SCN11A: variants seen among roughly 807,000 people sequenced by gnomAD.
SCN11A encodes the protein sodium channel protein type 11 subunit alpha.
In SCN11A, 122 loss-of-function variants were observed where a neutral mutation model predicts 162.2. The ratio of observed to expected loss-of-function variants is 0.75; its 90% confidence interval spans 0.65 to 0.87. The LOEUF (loss-of-function observed/expected upper bound fraction) is 0.87. Among genes scored for constraint, SCN11A ranks in the 40% least tolerant of loss-of-function variants. The probability of loss-of-function intolerance (pLI) is 0.00; values close to 1 mark genes in which losing one functional copy is unlikely to be tolerated. For synonymous variants in SCN11A, 758 were observed against 751.5 expected (o/e 1.01, Z -0.14); for missense variants, 2,015 against 2,181.6 (o/e 0.92, Z 1.52).
chr3:38,892,653 T>C (rs575018070), intron 19 of SCN11A, among the ~76,000 whole-genome samples: 1 of 152,020 alleles, frequency 6.6e-6, no homozygotes, highest in Non-Finnish European at 1.5e-5. Context: ...CTAGTTATAT[T>C]AAGCAATAAT....
intron 2 of SCN11A, among the ~76,000 whole-genome samples, chr3:38,973,938 T>A (rs2066832413): frequency 6.6e-6 from 1 of 152,250 alleles, no homozygotes; most frequent in African/African-American, 2.4e-5. Context: ...CAACAGGAAT[T>A]CTTTCTGAAG....
intron 29 of SCN11A, 148 bp from the exon 30 acceptor site, chr3:38,847,890 A>G (rs2064702486): frequency 3.4e-6 from 2 of 580,620 alleles, no homozygotes; most frequent in African/African-American, 3.7e-5. Flanking sequence ...TTTTACCACT[A>G]TCAGGGAAAA....
rs1171513664 is a variant in SCN11A, at chr3:38,938,138, C to G, written c.488+7273G>C. ...AGTAAACTATCGCAAGAACAAAAAACCAAACACCGCATATTCTCACTCATA... is the reference window on the plus strand; with the variant it reads ...AGTAAACTATCGCAAGAACAAAAAAGCAAACACCGCATATTCTCACTCATA... On this transcript the variant is annotated intron_variant, in intron 7 of 29. Coordinates refer to ENST00000302328, the MANE Select transcript of SCN11A (RefSeq NM_001349253.2). 2.0e-5 allele frequency among the ~76,000 whole-genome samples: 3 copies of G among 151,906 alleles called. No homozygotes were observed. The South Asian group carries it at 6.3e-4, about 32-fold the overall frequency.
Position 38,846,476 on chromosome 3 carries a change from TTA to T in SCN11A, c.*216_*217del, listed in dbSNP as rs2064664876. 1 of 549,544 alleles carries T rather than the reference TTA, an allele frequency of 1.8e-6. No individual in the cohort carries two copies. The highest frequency in any genetic ancestry group is 3.2e-6 in the Non-Finnish European group (1 of 308,984). The allele number at this position is 549,544 out of a possible 1,614,324, so 34.0% of individuals were successfully genotyped here. A position where few individuals can be genotyped will look rare whatever the true frequency, so the allele number is the denominator to read the frequency against. ...GTCCTTCCTGGTGTCTTCTTCCTTA[TTA>T]TAATAGTACCACTGGTTGTCAAGTA... On this transcript the variant is annotated 3_prime_UTR_variant, in exon 30 of 30. Coordinates refer to ENST00000302328, the MANE Select transcript of SCN11A (RefSeq NM_001349253.2).
chr3:38,915,662 G>A (rs1334170586), intron 11 of SCN11A, among the ~76,000 whole-genome samples: 2 of 152,094 alleles, frequency 1.3e-5, no homozygotes, highest in Non-Finnish European at 2.9e-5. Flanking sequence ...TGTGGTCCGA[G>A]AGTGTGTTTG....
intron 11 of SCN11A, among the ~76,000 whole-genome samples, chr3:38,918,999 T>C (rs1362621432): frequency 6.6e-6 from 1 of 152,252 alleles, no homozygotes; most frequent in Non-Finnish European, 1.5e-5. Flanking sequence ...CATAGCCTAT[T>C]GTTCCTAGGC....
At chr3:38,929,164 CACACACACAT>C (rs1254138406) in intron 7 of SCN11A, among the ~76,000 whole-genome samples, 31 of 138,372 alleles carry the variant, frequency 2.2e-4, no homozygotes, top group Admixed American at 3.1e-4. Context: ...CACACACACA[CACACACACAT>C]GTTTGGGACT....
At chr3:38,935,691 T>C (rs2066319809) in intron 7 of SCN11A, among the ~76,000 whole-genome samples, 3 of 152,174 alleles carry the variant, frequency 2.0e-5, no homozygotes, top group Admixed American at 2.0e-4. Flanking sequence ...AAGTTGACTC[T>C]CTGAATAGAC....
At chr3:38,985,450 A>G (rs2030205203) in intron 2 of SCN11A, among the ~76,000 whole-genome samples, 1 of 150,776 alleles carries the variant, frequency 6.6e-6, no homozygotes, top group South Asian at 2.1e-4. Context: ...CTTAAGAATC[A>G]ACTGTTAGGG....
At chr3:38,898,528 T>C (rs1470372244) in intron 17 of SCN11A, among the ~76,000 whole-genome samples, 1 of 152,188 alleles carries the variant, frequency 6.6e-6, no homozygotes, top group Non-Finnish European at 1.5e-5. Flanking sequence ...CTCATAAGAA[T>C]GATTAGAGTA....
intron 28 of SCN11A, among the ~76,000 whole-genome samples, chr3:38,856,385 T>A (rs1656237976): frequency 6.6e-6 from 1 of 152,142 alleles, no homozygotes; most frequent in African/African-American, 2.4e-5. Flanking sequence ...AGTTCCTCCC[T>A]ACTTGGAACA....
chr3:39,046,484 A>G (rs1299217560), intron 1 of SCN11A, among the ~76,000 whole-genome samples: 2 of 152,164 alleles, frequency 1.3e-5, no homozygotes, highest in Non-Finnish European at 2.9e-5. Context: ...CAAAATACCA[A>G]TGACATTCTT....
intron 28 of SCN11A, among the ~76,000 whole-genome samples, chr3:38,856,937 AGGC>A (rs1163734129): frequency 6.6e-6 from 1 of 152,166 alleles, no homozygotes; most frequent in Non-Finnish European, 1.5e-5. Flanking sequence ...TAATCAAATT[AGGC>A]TAAAATACAC....
At chr3:39,042,971 A>AG (rs2032089621) in intron 1 of SCN11A, among the ~76,000 whole-genome samples, 2 of 141,018 alleles carry the variant, frequency 1.4e-5, no homozygotes, top group East Asian at 1.9e-4. Flanking sequence ...AAAAAAAAAA[A>AG]AAAAAAAAGA....
chr3:39,030,238 A>G lies in SCN11A; in HGVS notation c.-280+2142T>C, dbSNP rs532811660. On this transcript the variant is annotated intron_variant, in intron 2 of 29. Transcript: ENST00000302328. ...AGCGAAAGCAGGAGATGCTCTGCAA[A>G]GAGGGCAGACCTGTAACCACTGCTG... Among the ~76,000 whole-genome samples, 23 of 152,344 alleles carry G rather than the reference A, an allele frequency of 1.5e-4. No individual in the cohort carries two copies. The East Asian group carries it at 4.4e-3, about 29-fold the overall frequency.
intron 2 of SCN11A, among the ~76,000 whole-genome samples, chr3:39,009,362 C>T (rs78505791): frequency 0.034 from 5,200 of 151,214 alleles, 186 homozygotes; most frequent in East Asian, 0.16. Context: ...GCTCTTTGGT[C>T]GTCTGATCCT....
rs895473949 is a variant in SCN11A, at chr3:38,945,434, G to T, written c.465C>A (p.Asn155Lys). 11 of 1,610,352 alleles carry T rather than the reference G, an allele frequency of 6.8e-6. No homozygotes were observed. The highest frequency in any genetic ancestry group is 9.3e-6 in the Non-Finnish European group (11 of 1,177,200). Residue 155 changes from asparagine (N) to lysine (K), a missense_variant, in exon 7 of 30, where the codon AAC becomes AAA. Transcript: ENST00000302328. Reference protein sequence around the residue: ...FMATGPAKNSNSNNTDIAECV... With the variant: ...FMATGPAKNSKSNNTDIAECV... Reference sequence around the variant, plus strand: ...ACTCTGCAATGTCAGTATTGTTACTGTTGCTGTTTTTAGCAGGCCCTGTAG... The same window carrying T: ...ACTCTGCAATGTCAGTATTGTTACTTTTGCTGTTTTTAGCAGGCCCTGTAG...
chr3:38,948,138 C>T (rs73828743), intron 5 of SCN11A, among the ~76,000 whole-genome samples: 2,428 of 152,226 alleles, frequency 0.016, 66 homozygotes, highest in African/African-American at 0.056. Context: ...AAATGAGCCA[C>T]GGGGTTTTTT....
chr3:39,000,831 G>A (rs767333198), intron 2 of SCN11A, among the ~76,000 whole-genome samples: 1 of 152,192 alleles, frequency 6.6e-6, no homozygotes, highest in African/African-American at 2.4e-5. Context: ...GAGGCCAGGA[G>A]TTTGAGACCA....
Sources: allele counts gnomAD v4.1 joint callset (sites outside exome capture counted in the v4.1 genomes callset), GRCh38; gene constraint gnomAD v4.1.1; transcripts MANE v1.5; gene names NCBI Gene and HGNC (gene_info 2026-07-23, HGNC 2026-07-21).